Variants in MME observed in about 807,000 individuals in gnomAD.
MME encodes neprilysin.
Under a neutral mutation model 113.2 loss-of-function variants are expected in MME, and 98 were observed. That is an observed-to-expected ratio of 0.87 (90% CI 0.74 to 1.02). The LOEUF is 1.02. MME is among the 50% of genes least tolerant of loss of function. The probability of loss-of-function intolerance (pLI) is 0.00; values close to 1 mark genes in which losing one functional copy is unlikely to be tolerated. For synonymous variants in MME, 292 were observed against 300.6 expected (o/e 0.97, Z 0.30); for missense variants, 836 against 896.0 (o/e 0.93, Z 0.86).
At chr3:155,060,408 G>T (rs537617046) in intron 1 of MME, among the ~76,000 whole-genome samples, 119 of 152,210 alleles carry the variant, frequency 7.8e-4, no homozygotes, top group Middle Eastern at 3.4e-3. Flanking sequence ...CTGGTCCTTA[G>T]TTTACTCATT....
At chr3:155,128,612 T>C (rs1719886233) in intron 8 of MME, among the ~76,000 whole-genome samples, 1 of 150,630 alleles carries the variant, frequency 6.6e-6, no homozygotes, top group Admixed American at 6.7e-5. Flanking sequence ...ACACACCACC[T>C]GCCTACACTC....
At chr3:155,144,302 A>AG in intron 13 of MME, 57 bp from the exon 14 acceptor site, 1 of 1,183,508 alleles carries the variant, frequency 8.4e-7, no homozygotes, top group Non-Finnish European at 1.3e-6. Context: ...ATTTTTAAAA[A>AG]TCTGTGTTAC....
At chr3:155,063,175 T>C (rs1714218437) in intron 1 of MME, among the ~76,000 whole-genome samples, 2 of 129,764 alleles carry the variant, frequency 1.5e-5, no homozygotes, top group African/African-American at 6.0e-5. Flanking sequence ...ATATATATTA[T>C]ATACTTTGTA....
chr3:155,042,942 A>ATATATATATATG (rs1713408076), intron 1 of MME, among the ~76,000 whole-genome samples: 2 of 117,074 alleles, frequency 1.7e-5, no homozygotes, highest in Non-Finnish European at 3.5e-5. Context: ...ATATATATGT[A>ATATATATATATG]TATATATATA....
At chr3:155,030,193 G>A (rs1712921872) in intron 1 of MME, among the ~76,000 whole-genome samples, 2 of 152,156 alleles carry the variant, frequency 1.3e-5, no homozygotes, top group African/African-American at 4.8e-5. Context: ...CTTAAGAATG[G>A]TAAATTATAT....
chr3:155,087,006 T>TTTTTTTTTTG (rs1715805004), intron 3 of MME, among the ~76,000 whole-genome samples: 1 of 79,614 alleles, frequency 1.3e-5, no homozygotes, highest in Non-Finnish European at 2.7e-5. Flanking sequence ...TTTTTTTTTG[T>TTTTTTTTTTG]TTTTTTTTTT....
At chr3:155,042,272 G>A (rs1402459555) in intron 1 of MME, among the ~76,000 whole-genome samples, 3 of 151,942 alleles carry the variant, frequency 2.0e-5, no homozygotes, top group Non-Finnish European at 4.4e-5. Context: ...CCATCAGCTG[G>A]GTCAACTGTT....
Position 155,037,256 on chromosome 3 carries a change from C to T in MME, c.-11+12932C>T, listed in dbSNP as rs149657670. Among the ~76,000 whole-genome samples the T allele has an allele frequency of 7.8e-4, 118 of 152,230 alleles. 1 individual carries two copies. In the East Asian group the frequency reaches 0.022, roughly 28 times the overall value. ...TTACTATTTAAATGCATTAAGTTCT[C>T]TTTATTGTAAATACTGGAAGTGGTT... On this transcript the variant is annotated intron_variant, in intron 1 of 22. Transcript: ENST00000492661.
intron 1 of MME, among the ~76,000 whole-genome samples, chr3:155,025,852 A>T (rs891766346): frequency 1.3e-5 from 2 of 150,634 alleles, no homozygotes; most frequent in Admixed American, 1.3e-4. Context: ...CCGCCACCAT[A>T]CCCAGCTAAT....
chr3:155,085,887 G>T (rs1715669020), intron 3 of MME, among the ~76,000 whole-genome samples: 1 of 152,198 alleles, frequency 6.6e-6, no homozygotes, highest in African/African-American at 2.4e-5. Context: ...CGGTGCAGAA[G>T]AGGGAATTCC....
intron 1 of MME, among the ~76,000 whole-genome samples, chr3:155,064,001 A>G (rs961693843): frequency 5.9e-5 from 9 of 151,904 alleles, no homozygotes; most frequent in Non-Finnish European, 1.2e-4. Context: ...ATAAGAAGTG[A>G]AAGAGAAGGC....
chr3:155,175,984 T>C (rs1220082980), intron 22 of MME, among the ~76,000 whole-genome samples: 2 of 152,196 alleles, frequency 1.3e-5, no homozygotes, highest in Non-Finnish European at 2.9e-5. Context: ...TATTACAGCA[T>C]TTATTTATTT....
intron 1 of MME, among the ~76,000 whole-genome samples, chr3:155,040,492 T>G (rs1713272151): frequency 6.6e-6 from 1 of 151,964 alleles, no homozygotes; most frequent in African/African-American, 2.4e-5. Context: ...CGCACATATA[T>G]ATAAAATACA....
chr3:155,079,541 C>T (rs1159424827), upstream of MME: 3 of 147,910 alleles, frequency 2.0e-5, no homozygotes, highest in Admixed American at 7.0e-5. Context: ...CATGAAGTGA[C>T]TGGATTTGGG....
intron 1 of MME, among the ~76,000 whole-genome samples, chr3:155,074,337 A>T (rs186967207): frequency 4.9e-4 from 74 of 152,300 alleles, no homozygotes; most frequent in Non-Finnish European, 9.8e-4. Flanking sequence ...TATATTGATA[A>T]GAAATATTTT....
At chr3:155,087,126 T>G (rs1384339424) in intron 3 of MME, among the ~76,000 whole-genome samples, 3 of 151,850 alleles carry the variant, frequency 2.0e-5, no homozygotes, top group Non-Finnish European at 4.4e-5. Context: ...CATGAGCCAC[T>G]GCACCCAGTC....
At chr3:155,032,611 TG>T (rs1274640610) in intron 1 of MME, among the ~76,000 whole-genome samples, 2 of 152,204 alleles carry the variant, frequency 1.3e-5, no homozygotes, top group African/African-American at 4.8e-5. Flanking sequence ...CCACTGGCTC[TG>T]GCAAGGTCAG....
chr3:155,032,662 T>A (rs577115968), intron 1 of MME, among the ~76,000 whole-genome samples: 1 of 152,264 alleles, frequency 6.6e-6, no homozygotes, highest in African/African-American at 2.4e-5. Context: ...AGTCTCTAAT[T>A]GTGGGCAAAA....
intron 10 of MME, among the ~76,000 whole-genome samples, chr3:155,140,682 A>G (rs966487437): frequency 2.0e-5 from 3 of 152,096 alleles, no homozygotes; most frequent in Non-Finnish European, 2.9e-5. Context: ...TGTTAGCCAC[A>G]GGTGTGAGCC....
Sources: gnomAD v4.1 joint callset for allele counts (sites outside exome capture counted in the v4.1 genomes callset) on GRCh38, gnomAD v4.1.1 for gene constraint, MANE v1.5 for transcripts, NCBI Gene and HGNC (gene_info 2026-07-23, HGNC 2026-07-21) for gene names.